Variants in TNKS observed in about 807,000 individuals in gnomAD.
TNKS encodes poly [ADP-ribose] polymerase tankyrase-1.
Under a neutral mutation model 135.8 loss-of-function variants are expected in TNKS, and 72 were observed. That is an observed-to-expected ratio of 0.53 (90% CI 0.44 to 0.64). TNKS has a LOEUF of 0.64. Among genes scored for constraint, TNKS ranks in the 30% least tolerant of loss-of-function variants. The pLI is 0.00. For missense variants in TNKS, 1,769 were observed against 1,674.0 expected (o/e 1.06, Z -0.99); for synonymous variants, 849 against 649.3 (o/e 1.31, Z -4.68).
intron 18 of TNKS, among the ~76,000 whole-genome samples, chr8:9,751,068 G>GA (rs1554484711): frequency 2.3e-5 from 2 of 87,568 alleles, no homozygotes; most frequent in African/African-American, 9.9e-5. Context: ...TCGGCGGGTA[G>GA]GGGGCAGAAA....
At position 9,771,280 on chromosome 8, in the gene TNKS, C is replaced by T. The variant is rs1394031391; in HGVS notation, c.3897+1018C>T. Among the ~76,000 whole-genome samples the T allele has an allele frequency of 1.4e-4, 11 of 78,770 alleles. No homozygotes were observed. The South Asian group carries it at 1.5e-3, about 11-fold the overall frequency. The allele number at this position is 78,770 out of a possible 152,430, so 51.7% of individuals were successfully genotyped here. A position where few individuals can be genotyped will look rare whatever the true frequency, so the allele number is the denominator to read the frequency against. On this transcript the variant is annotated intron_variant, in intron 26 of 26. Transcript: ENST00000310430. ...AAGGAAGTGAGGGAGGAAGAGAGAG[C>T]GAGGAAGGGAGGGAGGAGAGAGGAA...
intron 26 of TNKS, among the ~76,000 whole-genome samples, chr8:9,771,372 G>GAAGC (rs1473042477): frequency 2.0e-5 from 2 of 99,150 alleles, no homozygotes; most frequent in African/African-American, 3.2e-5. Flanking sequence ...GAGAGGAAGG[G>GAAGC]AGGGAGGGAA....
chr8:9,593,101 C>A lies in TNKS; in HGVS notation c.898+12718C>A, dbSNP rs1003003477. Among the ~76,000 whole-genome samples the A allele has an allele frequency of 2.6e-5, 4 of 152,080 alleles. 1 individual carries two copies. Among genetic ancestry groups the A allele is most frequent in the Admixed American group, 1.3e-4 (2 of 15,276 alleles). On this transcript the variant is annotated intron_variant, in intron 2 of 26. Coordinates refer to ENST00000310430, the MANE Select transcript of TNKS (RefSeq NM_003747.3). ...ACCCATGAATTGCCCCTCTTGGGAG[C>A]TGAGGAGTTGAGGTAGGGAGGGATA...
chr8:9,769,110 G>C (rs188965440), intron 25 of TNKS, among the ~76,000 whole-genome samples: 4 of 152,122 alleles, frequency 2.6e-5, no homozygotes, highest in African/African-American at 7.2e-5. Flanking sequence ...AATTATTTTA[G>C]GTTTTGCAGG....
At position 9,779,217 on chromosome 8, in the gene TNKS, G is replaced by C. The variant is rs1475717722; in HGVS notation, c.*2481G>C. The C allele has an allele frequency of 6.6e-6, 1 of 152,604 alleles. No homozygotes were observed. The highest frequency in any genetic ancestry group is 1.5e-5 in the Non-Finnish European group (1 of 68,032). 9.5% of individuals were successfully genotyped at this position (152,604 alleles called of 1,614,324 possible). ...GAACTTGAAAACCAAAGGTCATCAT[G>C]AGTGCACTCAAAAGTTAGGACAAGT... On this transcript the variant is annotated 3_prime_UTR_variant, in exon 27 of 27. Coordinates refer to ENST00000310430, the MANE Select transcript of TNKS (RefSeq NM_003747.3).
intron 17 of TNKS, among the ~76,000 whole-genome samples, chr8:9,745,767 T>G (rs1806204146): frequency 6.6e-6 from 1 of 152,176 alleles, no homozygotes; most frequent in Non-Finnish European, 1.5e-5. Flanking sequence ...GAAGCTTTCC[T>G]TAGTAGTTGG....
At chr8:9,624,154 A>G (rs966485363) in intron 3 of TNKS, among the ~76,000 whole-genome samples, 2 of 152,170 alleles carry the variant, frequency 1.3e-5, no homozygotes, top group East Asian at 3.8e-4. Context: ...AAAAAGTGAC[A>G]TATTTGTGAA....
chr8:9,764,118 G>T (rs1170283866), intron 22 of TNKS, among the ~76,000 whole-genome samples: 1 of 152,046 alleles, frequency 6.6e-6, no homozygotes, highest in Admixed American at 6.6e-5. Context: ...GTAAGGAAGA[G>T]AATTCATTTT....
intron 20 of TNKS, 35 bp downstream of exon 20, chr8:9,752,661 T>G: frequency 7.1e-7 from 1 of 1,410,080 alleles, no homozygotes; most frequent in Non-Finnish European, 1.0e-6. Flanking sequence ...GTCATTTAAA[T>G]TAAATACTAA....
At chr8:9,713,925 C>G (rs551142199) in intron 11 of TNKS, among the ~76,000 whole-genome samples, 89 of 152,248 alleles carry the variant, frequency 5.8e-4, no homozygotes, top group Non-Finnish European at 1.1e-3. Flanking sequence ...CCATTTGATT[C>G]TGAACACACT....
At chr8:9,633,655 T>C (rs1045058118) in intron 3 of TNKS, among the ~76,000 whole-genome samples, 27 of 152,248 alleles carry the variant, frequency 1.8e-4, no homozygotes, top group African/African-American at 6.5e-4. Flanking sequence ...TCATAAAAAC[T>C]ATGGCTTTTA....
At chr8:9,569,656 A>G (rs1049050173) in intron 1 of TNKS, among the ~76,000 whole-genome samples, 2 of 152,240 alleles carry the variant, frequency 1.3e-5, no homozygotes, top group African/African-American at 2.4e-5. Flanking sequence ...ACACGTCTGT[A>G]AACGTCAACA....
At chr8:9,663,021 C>A (rs1046030637) in intron 3 of TNKS, among the ~76,000 whole-genome samples, 1 of 152,110 alleles carries the variant, frequency 6.6e-6, no homozygotes, top group African/African-American at 2.4e-5. Flanking sequence ...CACAAGGATT[C>A]TTTAAAGGAG....
chr8:9,693,330 GA>G (rs1417519419), intron 5 of TNKS, among the ~76,000 whole-genome samples: 2 of 151,732 alleles, frequency 1.3e-5, no homozygotes, highest in African/African-American at 2.4e-5. Context: ...ATTTGTGTGG[GA>G]AAAAACAGCA....
chr8:9,675,288 A>G, intron 3 of TNKS, among the ~76,000 whole-genome samples: 1 of 152,210 alleles, frequency 6.6e-6, no homozygotes, highest in Admixed American at 6.5e-5. Context: ...ACAAGAATCA[A>G]TTCATCTCTT....
intron 1 of TNKS, among the ~76,000 whole-genome samples, chr8:9,572,158 T>C (rs887583231): frequency 3.3e-5 from 5 of 152,222 alleles, no homozygotes; most frequent in African/African-American, 1.2e-4. Flanking sequence ...TCAACCAGGA[T>C]CTTTCTGTGT....
At chr8:9,608,276 C>T (rs537780506) in intron 2 of TNKS, among the ~76,000 whole-genome samples, 3 of 152,238 alleles carry the variant, frequency 2.0e-5, no homozygotes, top group African/African-American at 7.2e-5. Flanking sequence ...GTTGCATCAT[C>T]AGTGCAAATG....
At chr8:9,653,855 C>G (rs1039867279) in intron 3 of TNKS, among the ~76,000 whole-genome samples, 21 of 152,282 alleles carry the variant, frequency 1.4e-4, no homozygotes, top group Non-Finnish European at 4.4e-5. Context: ...ATCTTTCTCT[C>G]CTATTCTTTC....
At chr8:9,676,090 G>A (rs1802522162) in intron 3 of TNKS, among the ~76,000 whole-genome samples, 1 of 145,138 alleles carries the variant, frequency 6.9e-6, no homozygotes, top group African/African-American at 2.6e-5. Flanking sequence ...TCAGCTCACT[G>A]CAACCTCTGC....
Sources: gnomAD v4.1 joint callset for allele counts (sites outside exome capture counted in the v4.1 genomes callset) on GRCh38, gnomAD v4.1.1 for gene constraint, MANE v1.5 for transcripts, NCBI Gene and HGNC (gene_info 2026-07-23, HGNC 2026-07-21) for gene names.